SOX5: variants seen among roughly 807,000 people sequenced by gnomAD.
SOX5 encodes SRY-box transcription factor 5, also known as transcription factor SOX-5.
In SOX5, 9 loss-of-function variants were observed where a neutral mutation model predicts 92.0. The ratio of observed to expected loss-of-function variants is 0.10; its 90% CI spans 0.06 to 0.17. SOX5 has a LOEUF of 0.17. Among genes scored for constraint, SOX5 ranks in the 10% least tolerant of loss-of-function variants. The pLI, the probability that SOX5 is intolerant of heterozygous loss-of-function variation, is 1.00. For missense variants in SOX5, 642 were observed against 944.5 expected (o/e 0.68, Z 4.20); for synonymous variants, 344 against 336.3 (o/e 1.02, Z -0.25).
In SOX5 at chr12:24,237,416, C is replaced by T. The variant is rs191547594; in HGVS notation, c.-76-23999G>A. 1.6e-3 allele frequency among the ~76,000 whole-genome samples: 250 copies of T among 152,190 alleles called. 1 individual carries two copies. The highest frequency in any genetic ancestry group is 3.4e-3 in the Middle Eastern group (1 of 294). On this transcript the variant is annotated intron_variant, in intron 3 of 4. Transcript: ENST00000446891. ...AACTTTAATTGGTCAATATGAAAGT[C>T]GTTAATAATGTAAGCTTTATTCATG...
intron 3 of SOX5, among the ~76,000 whole-genome samples, chr12:23,844,827 A>C (rs1367498099): frequency 6.6e-6 from 1 of 152,202 alleles, no homozygotes; most frequent in Non-Finnish European, 1.5e-5. Flanking sequence ...CACCATTTTA[A>C]ACACATAAGG....
At chr12:24,017,472 C>T (rs966182540) in intron 4 of SOX5, among the ~76,000 whole-genome samples, 46 of 152,006 alleles carry the variant, frequency 3.0e-4, no homozygotes, top group African/African-American at 9.4e-4. Context: ...TGGTGGTGCA[C>T]GCCTGTAATC....
intron 4 of SOX5, among the ~76,000 whole-genome samples, chr12:24,138,390 C>A (rs1017965961): frequency 6.6e-6 from 1 of 152,236 alleles, no homozygotes; most frequent in African/African-American, 2.4e-5. Flanking sequence ...AGAGATGACA[C>A]CACTCCCCTC....
At chr12:24,321,161 A>T (rs1341292034) in intron 2 of SOX5, among the ~76,000 whole-genome samples, 1 of 152,190 alleles carries the variant, frequency 6.6e-6, no homozygotes, top group Non-Finnish European at 1.5e-5. Context: ...ATTCCTTGTA[A>T]AGCTGACTGA....
chr12:24,484,976 A>G (rs11047474), intron 1 of SOX5, among the ~76,000 whole-genome samples: 28,067 of 152,156 alleles, frequency 0.18, 2,681 homozygotes, highest in Middle Eastern at 0.21. Flanking sequence ...AGAAACTCTG[A>G]GGGCTAGAAA....
At chr12:24,060,878 T>C (rs534493516) in intron 4 of SOX5, among the ~76,000 whole-genome samples, 38 of 152,324 alleles carry the variant, frequency 2.5e-4, no homozygotes, top group African/African-American at 8.7e-4. Context: ...CGAGAGACGA[T>C]GACAGCAACT....
intron 4 of SOX5, among the ~76,000 whole-genome samples, chr12:24,054,933 G>A (rs972582716): frequency 3.3e-5 from 5 of 152,084 alleles, no homozygotes; most frequent in Admixed American, 1.3e-4. Flanking sequence ...AGTGAGGCGC[G>A]TGGAAACTGA....
At chr12:24,338,544 AT>A (rs1952176802) in intron 2 of SOX5, among the ~76,000 whole-genome samples, 1 of 152,110 alleles carries the variant, frequency 6.6e-6, no homozygotes, top group South Asian at 2.1e-4. Flanking sequence ...ATCAGGTTGT[AT>A]TTTTTTGGTT....
At chr12:23,772,414 A>C (rs947356668) in intron 3 of SOX5, among the ~76,000 whole-genome samples, 18 of 152,224 alleles carry the variant, frequency 1.2e-4, no homozygotes, top group African/African-American at 3.9e-4. Flanking sequence ...GCTGGCTAAA[A>C]ATGAGAATGA....
intron 4 of SOX5, among the ~76,000 whole-genome samples, chr12:23,957,185 C>T (rs555138205): frequency 6.6e-6 from 1 of 152,200 alleles, no homozygotes; most frequent in South Asian, 2.1e-4. Flanking sequence ...TACATTCATA[C>T]AGCAATATAA....
intron 6 of SOX5, among the ~76,000 whole-genome samples, chr12:23,719,690 T>G (rs987629150): frequency 6.9e-6 from 1 of 145,718 alleles, no homozygotes; most frequent in African/African-American, 2.6e-5. Context: ...CCTGAGCCCC[T>G]GCCCAGTTTG....
At chr12:24,336,512 A>C (rs894747816) in intron 2 of SOX5, among the ~76,000 whole-genome samples, 1 of 152,168 alleles carries the variant, frequency 6.6e-6, no homozygotes, top group African/African-American at 2.4e-5. Flanking sequence ...TGCACCAAAG[A>C]ACTGAGAGGC....
At chr12:24,562,077 C>A (rs1371812955) in intron 1 of SOX5, among the ~76,000 whole-genome samples, 1 of 152,238 alleles carries the variant, frequency 6.6e-6, no homozygotes, top group African/African-American at 2.4e-5. Flanking sequence ...CCAGCCGCCC[C>A]CGGGGATGAC....
chr12:23,690,528 T>G (rs1243230820), intron 6 of SOX5, among the ~76,000 whole-genome samples: 1 of 152,218 alleles, frequency 6.6e-6, no homozygotes, highest in Admixed American at 6.5e-5. Context: ...TCCAATGTTG[T>G]AAATGGAAAT....
intron 4 of SOX5, among the ~76,000 whole-genome samples, chr12:23,973,690 G>A (rs1405906990): frequency 6.6e-6 from 1 of 152,196 alleles, no homozygotes; most frequent in Non-Finnish European, 1.5e-5. Context: ...CCAGTCTCCA[G>A]GTTGTGGACC....
At chr12:23,853,961 T>C (rs1220230936) in intron 2 of SOX5, among the ~76,000 whole-genome samples, 7 of 152,138 alleles carry the variant, frequency 4.6e-5, no homozygotes, top group Admixed American at 4.6e-4. Context: ...TAACATGTAT[T>C]GTAACTAGCC....
chr12:24,070,786 T>C (rs1003850936), intron 4 of SOX5, among the ~76,000 whole-genome samples: 2 of 152,190 alleles, frequency 1.3e-5, no homozygotes, highest in Admixed American at 1.3e-4. Context: ...AATTTTTACC[T>C]GCATATCCGT....
At chr12:24,101,584 C>T (rs754025689) in intron 4 of SOX5, among the ~76,000 whole-genome samples, 40 of 152,082 alleles carry the variant, frequency 2.6e-4, no homozygotes, top group Non-Finnish European at 4.4e-4. Context: ...ATACTCAATT[C>T]GTAAACCGTC....
intron 4 of SOX5, among the ~76,000 whole-genome samples, chr12:23,743,332 T>C (rs1451481022): frequency 6.6e-6 from 1 of 152,030 alleles, no homozygotes; most frequent in Non-Finnish European, 1.5e-5. Flanking sequence ...TTTTTTGAGA[T>C]AGAGTCTTGT....
Sources: allele counts gnomAD v4.1 joint callset (sites outside exome capture counted in the v4.1 genomes callset), GRCh38; gene constraint gnomAD v4.1.1; transcripts MANE v1.5; gene names NCBI Gene and HGNC (gene_info 2026-07-23, HGNC 2026-07-21).